The following ADGRB3 variants were observed in gnomAD, a reference collection of about 807,000 sequenced individuals.
The protein encoded by ADGRB3 is brain-specific angiogenesis inhibitor 3.
ADGRB3 carries 37 observed loss-of-function variants against 193.4 expected under a neutral mutation model. The ratio of observed to expected loss-of-function variants is 0.19; its 90% CI spans 0.15 to 0.25. The LOEUF (loss-of-function observed/expected upper bound fraction) is 0.25, where lower values mean the gene tolerates loss of function less well. Ranked by LOEUF, ADGRB3 falls within the 10% of genes least tolerant of loss-of-function variation. The probability of loss-of-function intolerance (pLI) is 1.00; values close to 1 mark genes in which losing one functional copy is unlikely to be tolerated. For synonymous variants in ADGRB3, 690 were observed against 644.2 expected (o/e 1.07, Z -1.08); for missense variants, 1,637 against 1,852.9 (o/e 0.88, Z 2.14).
At chr6:69,062,280 G>A (rs75492876) in intron 15 of ADGRB3, among the ~76,000 whole-genome samples, 1,552 of 151,792 alleles carry the variant, frequency 0.01, 30 homozygotes, top group African/African-American at 0.035. Flanking sequence ...CTATAGATAT[G>A]ATTTTCTTAA....
intron 3 of ADGRB3, among the ~76,000 whole-genome samples, chr6:68,795,851 C>T (rs957149165): frequency 6.6e-6 from 1 of 152,028 alleles, no homozygotes; most frequent in African/African-American, 2.4e-5. Flanking sequence ...GCATTTGTTT[C>T]ATTTTAAAAA....
intron 17 of ADGRB3, among the ~76,000 whole-genome samples, chr6:69,083,900 G>A (rs1772471511): frequency 6.6e-6 from 1 of 150,644 alleles, no homozygotes; most frequent in Admixed American, 6.7e-5. Context: ...TCAGCCTCCT[G>A]ATTAGCTGAG....
intron 3 of ADGRB3, among the ~76,000 whole-genome samples, chr6:68,741,698 ACC>A (rs1765985703): frequency 6.6e-6 from 1 of 152,158 alleles, no homozygotes; most frequent in Non-Finnish European, 1.5e-5. Flanking sequence ...GGCCTTCTTA[ACC>A]ACTGTTTGTT....
At chr6:69,303,636 C>T (rs1767998187) in intron 20 of ADGRB3, among the ~76,000 whole-genome samples, 1 of 151,862 alleles carries the variant, frequency 6.6e-6, no homozygotes, top group African/African-American at 2.4e-5. Flanking sequence ...GCACATCATC[C>T]AGTCCCTTTA....
intron 17 of ADGRB3, among the ~76,000 whole-genome samples, chr6:69,134,920 A>G (rs1186375279): frequency 6.6e-6 from 1 of 152,056 alleles, no homozygotes; most frequent in Admixed American, 6.6e-5. Context: ...GGTTGATTAC[A>G]TAGGTTTTCA....
At chr6:68,902,028 G>A (rs1453075015) in intron 3 of ADGRB3, among the ~76,000 whole-genome samples, 1 of 151,940 alleles carries the variant, frequency 6.6e-6, no homozygotes, top group Non-Finnish European at 1.5e-5. Context: ...TTATGAAATG[G>A]GCATGACAGA....
At chr6:68,810,827 A>G (rs190242227) in intron 3 of ADGRB3, among the ~76,000 whole-genome samples, 5 of 152,284 alleles carry the variant, frequency 3.3e-5, no homozygotes, top group Admixed American at 1.3e-4. Context: ...AATAATTATG[A>G]GTGTATCTTT....
intron 3 of ADGRB3, among the ~76,000 whole-genome samples, chr6:68,668,162 C>T (rs1427466260): frequency 6.6e-6 from 1 of 152,008 alleles, no homozygotes; most frequent in Admixed American, 6.6e-5. Context: ...AGCCAAAAAA[C>T]TGAAGCCTCA....
At chr6:68,870,778 G>A (rs141060003) in intron 3 of ADGRB3, among the ~76,000 whole-genome samples, 1,577 of 152,238 alleles carry the variant, frequency 0.01, 25 homozygotes, top group African/African-American at 0.036. Context: ...AATAATACCT[G>A]CCTCGTTGGG....
intron 11 of ADGRB3, among the ~76,000 whole-genome samples, chr6:68,994,863 ATTTGTTTTGTTTTGT>A (rs3839460): frequency 1.5e-4 from 23 of 151,712 alleles, no homozygotes; most frequent in Non-Finnish European, 2.7e-4. Context: ...AAAATACAGG[ATTTGTTTTGTTTTGT>A]TTTGTTTTGT....
At chr6:69,299,688 C>T (rs978095327) in intron 20 of ADGRB3, among the ~76,000 whole-genome samples, 1 of 151,852 alleles carries the variant, frequency 6.6e-6, no homozygotes, top group Non-Finnish European at 1.5e-5. Context: ...AATGAGTTTA[C>T]TCTAAATATA....
chr6:69,199,441 T>C (rs2150357374), intron 17 of ADGRB3, among the ~76,000 whole-genome samples: 1 of 152,208 alleles, frequency 6.6e-6, no homozygotes, highest in Non-Finnish European at 1.5e-5. Flanking sequence ...TTAAATGAGA[T>C]AACTCATTTA....
intron 20 of ADGRB3, among the ~76,000 whole-genome samples, chr6:69,304,439 C>T (rs995660098): frequency 1.3e-5 from 2 of 151,538 alleles, no homozygotes; most frequent in East Asian, 1.9e-4. Flanking sequence ...CAAAGTCTGC[C>T]TACTAGTAGT....
intron 16 of ADGRB3, among the ~76,000 whole-genome samples, chr6:69,074,920 C>T (rs1175016185): frequency 1.3e-5 from 2 of 152,106 alleles, no homozygotes; most frequent in African/African-American, 4.8e-5. Flanking sequence ...CATAGATAAT[C>T]ATGTTTGTTT....
chr6:69,388,581 A>C (rs1008013275), intron 31 of ADGRB3, 122 bp from the exon 32 acceptor site: 2 of 918,388 alleles, frequency 2.2e-6, no homozygotes, highest in Non-Finnish European at 3.2e-6. Context: ...CCGTATTTTC[A>C]AGTCATCTCT....
rs575578158 is a variant in ADGRB3 at position 68,664,832 on chromosome 6, AG to A, written c.757+25403del. On this transcript the variant is annotated intron_variant, in intron 3 of 31. Coordinates refer to ENST00000370598, the MANE Select transcript of ADGRB3 (RefSeq NM_001704.3). ...AAATATTTGTCTGAAATATTGCATA[AG>A]GGAGGGTGAAGGGGGCTTTTGGAGG... Among the ~76,000 whole-genome samples, 32 of 151,942 alleles carry A rather than the reference AG, an allele frequency of 2.1e-4. No homozygotes were observed. The South Asian group carries it at 6.6e-3, about 32-fold the overall frequency.
chr6:68,975,040 A>T (rs1768702762), intron 9 of ADGRB3, among the ~76,000 whole-genome samples, 176 bp downstream of exon 9: 1 of 152,224 alleles, frequency 6.6e-6, no homozygotes, highest in Admixed American at 6.5e-5. Context: ...GAAGAGATAT[A>T]GAAAATATTG....
At chr6:68,669,664 C>T (rs1768897203) in intron 3 of ADGRB3, among the ~76,000 whole-genome samples, 2 of 140,810 alleles carry the variant, frequency 1.4e-5, no homozygotes, top group Admixed American at 1.4e-4. Context: ...ACCAAATTTT[C>T]TTTATCCATT....
intron 29 of ADGRB3, 109 bp from the exon 30 acceptor site, chr6:69,372,297 A>G (rs531911141): frequency 2.5e-5 from 14 of 561,228 alleles, no homozygotes; most frequent in Admixed American, 8.9e-5. Flanking sequence ...AAATATGTAT[A>G]AAACAAGCAG....
Sources: allele counts gnomAD v4.1 joint callset (sites outside exome capture counted in the v4.1 genomes callset), GRCh38; gene constraint gnomAD v4.1.1; transcripts MANE v1.5; gene names NCBI Gene and HGNC (gene_info 2026-07-23, HGNC 2026-07-21).